Variants in PDE4B observed in about 807,000 individuals in gnomAD.
PDE4B encodes phosphodiesterase 4B.
A neutral mutation model predicts 82.2 loss-of-function variants in PDE4B; 20 were observed. The ratio of observed to expected loss-of-function variants is 0.24; its 90% CI spans 0.17 to 0.35. The LOEUF (loss-of-function observed/expected upper bound fraction) is 0.35. Among genes scored for constraint, PDE4B ranks in the 10% least tolerant of loss-of-function variants. The probability of loss-of-function intolerance (pLI) is 1.00; values close to 1 mark genes in which losing one functional copy is unlikely to be tolerated. For missense variants in PDE4B, 655 were observed against 907.2 expected, an observed-to-expected ratio of 0.72 and a Z score of 3.57; for synonymous variants, 320 against 318.9, an observed-to-expected ratio of 1.00 and a Z score of -0.04.
chr1:66,307,273 G>A (rs1443903181), intron 7 of PDE4B, among the ~76,000 whole-genome samples: 3 of 152,162 alleles, frequency 2.0e-5, no homozygotes, highest in Non-Finnish European at 4.4e-5. Context: ...TGTTGGATAG[G>A]AGAAAAATAA....
chr1:66,100,917 G>A (rs1183692706), intron 3 of PDE4B, among the ~76,000 whole-genome samples: 1 of 152,044 alleles, frequency 6.6e-6, no homozygotes. Context: ...GTGCCATGTT[G>A]GTGTGTTGTA....
At chr1:66,208,831 C>T (rs1247833809) in intron 3 of PDE4B, among the ~76,000 whole-genome samples, 2 of 152,100 alleles carry the variant, frequency 1.3e-5, no homozygotes, top group African/African-American at 2.4e-5. Context: ...GCTTAGCTTG[C>T]ATTATCTCAT....
At chr1:65,906,444 A>T (rs1245688521) in intron 1 of PDE4B, among the ~76,000 whole-genome samples, 1 of 152,184 alleles carries the variant, frequency 6.6e-6, no homozygotes, top group Non-Finnish European at 1.5e-5. Flanking sequence ...GATGAAACAA[A>T]AAATGGCTGA....
chr1:66,219,654 C>T (rs913424325), intron 3 of PDE4B, among the ~76,000 whole-genome samples: 9 of 152,252 alleles, frequency 5.9e-5, no homozygotes, highest in Admixed American at 2.0e-4. Context: ...GAAGAGGTGT[C>T]ACTTCACCTG....
At chr1:66,353,295 A>G (rs1289299327) in intron 8 of PDE4B, among the ~76,000 whole-genome samples, 1 of 152,240 alleles carries the variant, frequency 6.6e-6, no homozygotes, top group Non-Finnish European at 1.5e-5. Flanking sequence ...GTTACCCAGA[A>G]GGAGGATGAT....
chr1:66,231,624 G>A (rs1299590869), intron 3 of PDE4B, among the ~76,000 whole-genome samples: 1 of 152,210 alleles, frequency 6.6e-6, no homozygotes, highest in Non-Finnish European at 1.5e-5. Flanking sequence ...TTGCAAATGT[G>A]TTTCCTCAAA....
chr1:65,929,226 A>G (rs1001888496), intron 3 of PDE4B, among the ~76,000 whole-genome samples: 1 of 152,186 alleles, frequency 6.6e-6, no homozygotes, highest in Non-Finnish European at 1.5e-5. Flanking sequence ...CTGTTGCCTC[A>G]GGCGGCACAG....
intron 3 of PDE4B, among the ~76,000 whole-genome samples, chr1:66,162,305 C>CTTTTTTTTTTTTTTTTTT (rs1168144080): frequency 5.0e-5 from 2 of 40,288 alleles, no homozygotes; most frequent in Non-Finnish European, 8.8e-5. Context: ...ATGGACTTCT[C>CTTTTTTTTTTTTTTTTTT]TTTTTTTTTT....
At chr1:66,350,456 A>G (rs1430593240) in intron 8 of PDE4B, among the ~76,000 whole-genome samples, 1 of 152,018 alleles carries the variant, frequency 6.6e-6, no homozygotes, top group Admixed American at 6.6e-5. Flanking sequence ...TACCTGCTTT[A>G]GCTAGTCTTT....
intron 7 of PDE4B, among the ~76,000 whole-genome samples, chr1:66,307,114 A>T (rs1471262824): frequency 6.7e-6 from 1 of 149,980 alleles, no homozygotes; most frequent in African/African-American, 2.4e-5. Flanking sequence ...AAAGAGAGGG[A>T]GAGAGAGACA....
At chr1:66,258,799 A>G (rs1289970852) in intron 6 of PDE4B, among the ~76,000 whole-genome samples, 1 of 152,264 alleles carries the variant, frequency 6.6e-6, no homozygotes, top group African/African-American at 2.4e-5. Flanking sequence ...TTTCACACAC[A>G]TTTTCATAGA....
chr1:66,249,335 C>G (rs918078818), intron 4 of PDE4B, among the ~76,000 whole-genome samples: 2 of 152,156 alleles, frequency 1.3e-5, no homozygotes, highest in African/African-American at 4.8e-5. Flanking sequence ...TTTACAGGTG[C>G]AAGATTAGCT....
intron 3 of PDE4B, among the ~76,000 whole-genome samples, chr1:65,940,325 G>A (rs1557446535): frequency 6.6e-6 from 1 of 152,028 alleles, no homozygotes; most frequent in Non-Finnish European, 1.5e-5. Flanking sequence ...GAGAAAGAAG[G>A]AAGTTGAAAT....
intron 1 of PDE4B, among the ~76,000 whole-genome samples, chr1:65,802,462 T>C (rs1012188437): frequency 1.3e-5 from 2 of 152,234 alleles, no homozygotes; most frequent in African/African-American, 4.8e-5. Context: ...GGTAGACTTC[T>C]AATATCTTAT....
intron 3 of PDE4B, among the ~76,000 whole-genome samples, chr1:66,172,517 A>G (rs1646856388): frequency 6.6e-6 from 1 of 152,164 alleles, no homozygotes; most frequent in Non-Finnish European, 1.5e-5. Context: ...GATCTTTGAG[A>G]AATTTCCAAA....
chr1:65,887,202 C>CTTTCTTTCTT (rs1646790357), intron 1 of PDE4B, among the ~76,000 whole-genome samples: 1 of 11,148 alleles, frequency 9.0e-5, no homozygotes, highest in Non-Finnish European at 1.5e-4. Flanking sequence ...TTCTTTCTTT[C>CTTTCTTTCTT]TTTCTTTCTT....
chr1:66,081,836 G>C (rs865956521), intron 3 of PDE4B, among the ~76,000 whole-genome samples: 1,738 of 143,218 alleles, frequency 0.012, 30 homozygotes, highest in African/African-American at 0.044. Flanking sequence ...CTCTCTCTGT[G>C]TGTGTGTGTG....
intron 3 of PDE4B, among the ~76,000 whole-genome samples, chr1:66,169,322 AG>A (rs953870100): frequency 2.6e-5 from 4 of 152,364 alleles, no homozygotes; most frequent in African/African-American, 2.4e-5. Context: ...TTCCTGGGCC[AG>A]CGGTGAAAGT....
intron 7 of PDE4B, among the ~76,000 whole-genome samples, chr1:66,331,542 C>CA (rs558209727): frequency 3.3e-5 from 5 of 152,126 alleles, no homozygotes; most frequent in African/African-American, 4.8e-5. Flanking sequence ...AATTATCTAG[C>CA]AAAAAAATGT....
Sources: allele counts gnomAD v4.1 joint callset (sites outside exome capture counted in the v4.1 genomes callset), GRCh38; gene constraint gnomAD v4.1.1; transcripts MANE v1.5; gene names NCBI Gene and HGNC (gene_info 2026-07-23, HGNC 2026-07-21).